Variants in DOCK3 observed in about 807,000 individuals in gnomAD.
DOCK3 encodes the protein dedicator of cytokinesis protein 3.
Under a neutral mutation model 265.6 loss-of-function variants are expected in DOCK3, and 60 were observed. The observed-to-expected ratio is 0.23, with a 90% CI of 0.18 to 0.28. The LOEUF is 0.28. Among genes scored for constraint, DOCK3 ranks in the 10% least tolerant of loss-of-function variants. The pLI is 1.00. For synonymous variants in DOCK3, 881 were observed against 938.0 expected (o/e 0.94, Z 1.11); for missense variants, 1,981 against 2,594.3 (o/e 0.76, Z 5.14).
At chr3:51,336,855 A>G in intron 35 of DOCK3, 1 of 456,176 alleles carries the variant, frequency 2.2e-6, no homozygotes, top group South Asian at 1.5e-5. Flanking sequence ...CAGATGCTTT[A>G]TAGAAAATAC....
At chr3:51,186,913 G>GAGAACAT (rs1273125260) in intron 12 of DOCK3, among the ~76,000 whole-genome samples, 1 of 152,208 alleles carries the variant, frequency 6.6e-6, no homozygotes, top group Admixed American at 6.5e-5. Flanking sequence ...TTTGCTTCAG[G>GAGAACAT]GGCAGGGCTC....
chr3:51,373,419 T>TG (rs1478165177), intron 49 of DOCK3, among the ~76,000 whole-genome samples: 2 of 152,218 alleles, frequency 1.3e-5, no homozygotes, highest in Non-Finnish European at 2.9e-5. Flanking sequence ...GATCCTCCTG[T>TG]GAGGGCTCCG....
intron 12 of DOCK3, among the ~76,000 whole-genome samples, chr3:51,170,693 C>G (rs1212671896): frequency 6.6e-6 from 1 of 151,890 alleles, no homozygotes; most frequent in Non-Finnish European, 1.5e-5. Flanking sequence ...GCCTGTAATC[C>G]CAGCGCTTTG....
In DOCK3 at chr3:51,341,319, G is replaced by A. The variant is rs372027488; in HGVS notation, c.3849G>A (p.Ser1283=). 1.5e-5 allele frequency: 24 copies of A among 1,613,502 alleles called. No individual in the cohort carries two copies. The highest frequency in any genetic ancestry group is 5.0e-5 in the Admixed American group (3 of 59,956). ...TACGGGAATTCCTCCACTACCCATC[G>A]CAGACAGAGTGGCAGCGGAAGGAGG... ...RPLREFLHYP[S]QTEWQRKEGL... Residue 1283 remains serine, a synonymous_variant, in exon 38 of 53, where the codon TCG becomes TCA. Coordinates refer to ENST00000266037, the MANE Select transcript of DOCK3 (RefSeq NM_004947.5).
At position 51,016,773 on chromosome 3, in the gene DOCK3, ATATATAT is replaced by A. The variant is rs2079321695; in HGVS notation, c.316-47674_316-47668del. On this transcript the variant is annotated intron_variant, in intron 5 of 52. Transcript: ENST00000266037. The stretch of plus-strand genomic sequence containing the variant: ...AATATAATATATATGATATATGTTT[ATATATAT>A]CATATATAAATATATATGATATATG... Among the ~76,000 whole-genome samples the A allele has an allele frequency of 6.4e-5, 2 of 31,094 alleles. 1 individual carries two copies. Among genetic ancestry groups the A allele is most frequent in the Non-Finnish European group, 1.0e-4 (2 of 19,132 alleles). 20.4% of individuals were successfully genotyped at this position (31,094 alleles called of 152,430 possible).
chr3:51,362,048 CA>C, intron 48 of DOCK3, 51 bp downstream of exon 48: 1 of 1,552,254 alleles, frequency 6.4e-7, no homozygotes. Context: ...CTACAGAACT[CA>C]CCTTGCTGTT....
intron 39 of DOCK3, among the ~76,000 whole-genome samples, chr3:51,349,806 G>T (rs939959358): frequency 6.6e-6 from 1 of 152,210 alleles, no homozygotes; most frequent in Non-Finnish European, 1.5e-5. Flanking sequence ...ACAGTTGTTA[G>T]CATCTTTAGT....
intron 4 of DOCK3, among the ~76,000 whole-genome samples, chr3:50,925,179 A>G (rs2050694592): frequency 6.6e-6 from 1 of 152,302 alleles, no homozygotes; most frequent in South Asian, 2.1e-4. Flanking sequence ...TAGGATCAAA[A>G]CTTGAGTTTG....
chr3:51,051,826 A>G (rs1235964054), intron 5 of DOCK3, among the ~76,000 whole-genome samples: 2 of 152,152 alleles, frequency 1.3e-5, no homozygotes, highest in African/African-American at 2.4e-5. Flanking sequence ...TCAGGAGGCA[A>G]AATGGGAGCA....
intron 18 of DOCK3, 67 bp downstream of exon 18, chr3:51,228,899 G>A (rs770446251): frequency 6.0e-6 from 9 of 1,510,168 alleles, no homozygotes; most frequent in South Asian, 1.3e-5. Context: ...CACTACTAGC[G>A]CATGTGAAGG....
At chr3:51,104,751 C>G (rs542818215) in intron 9 of DOCK3, among the ~76,000 whole-genome samples, 1 of 152,084 alleles carries the variant, frequency 6.6e-6, no homozygotes, top group Non-Finnish European at 1.5e-5. Context: ...ATTGTCAGAA[C>G]GTCTAGGAGG....
chr3:50,735,335 A>T (rs765469590), intron 1 of DOCK3, among the ~76,000 whole-genome samples: 11 of 151,738 alleles, frequency 7.2e-5, no homozygotes, highest in Admixed American at 6.6e-5. Context: ...CTGGATATTT[A>T]TTTCTCTGTT....
chr3:51,206,569 AAAAG>A lies in DOCK3; in HGVS notation c.1038-2203_1038-2200del, dbSNP rs1239552531. ...ATATTGAACTGAATCCTTTAAAAAA[AAAAG>A]AGAGAGACGGGGAAAGAAAGGCAAG... On this transcript the variant is annotated intron_variant, in intron 12 of 52. Transcript: ENST00000266037. 2.6e-5 allele frequency among the ~76,000 whole-genome samples: 4 copies of A among 152,322 alleles called. No individual in the cohort carries two copies. The South Asian group carries it at 8.3e-4, about 32-fold the overall frequency.
chr3:50,997,466 T>A (rs2078326181), intron 5 of DOCK3, among the ~76,000 whole-genome samples: 1 of 152,032 alleles, frequency 6.6e-6, no homozygotes, highest in Non-Finnish European at 1.5e-5. Context: ...ATGTTGGGAT[T>A]AGGTGTAGGA....
In DOCK3 at chr3:51,315,126, C is replaced by A; in HGVS notation, c.3400C>A (p.Gln1134Lys). 2 of 1,606,432 alleles carry A rather than the reference C, an allele frequency of 1.2e-6. No individual in the cohort carries two copies. The highest frequency in any genetic ancestry group is 1.7e-6 in the Non-Finnish European group (2 of 1,175,158). The change falls in exon 32 of 53, where the codon CAG becomes AAG. Residue 1134 changes from glutamine (Q) to lysine (K), a missense_variant and splice_region_variant. By Grantham distance (53) the Gln-to-Lys change is moderately conservative. This residue lies in a region of DOCK3 where 1,357 missense variants were observed against 1,866.8 expected (regional missense o/e 0.73). Transcript: ENST00000266037. ...WEQRKNGNFK[Q>K]VEAELIDKLD... ...GCAGAGAAAAAATGGCAACTTCAAA[C>A]AGGTAAGACACCTGGCAGTGTTCGG...
chr3:51,229,319 C>T (rs3762711), intron 18 of DOCK3, among the ~76,000 whole-genome samples, 193 bp from the exon 19 acceptor site: 10,792 of 152,124 alleles, frequency 0.071, 960 homozygotes, highest in East Asian at 0.32. Context: ...GACATGATGG[C>T]GCATGCCTGT....
chr3:50,886,542 A>T lies in DOCK3; in HGVS notation c.163-3484A>T, dbSNP rs112445072. ...CATCTAGCATTAGGTATATCTCCCA[A>T]TGCTATCCCTCCCCCCTCCCCCCAC... On this transcript the variant is annotated intron_variant, in intron 3 of 52. Coordinates refer to ENST00000266037, the MANE Select transcript of DOCK3 (RefSeq NM_004947.5). Among the ~76,000 whole-genome samples, 7 of 145,510 alleles carry T rather than the reference A, an allele frequency of 4.8e-5. 2 individuals are homozygous for T. The highest frequency in any genetic ancestry group is 1.8e-4 in the African/African-American group (7 of 39,790).
At chr3:50,716,807 A>G (rs2037143854) in intron 1 of DOCK3, among the ~76,000 whole-genome samples, 1 of 152,022 alleles carries the variant, frequency 6.6e-6, no homozygotes, top group Non-Finnish European at 1.5e-5. Context: ...ATATATTTGC[A>G]TAACTAATAG....
chr3:50,965,810 TTTAA>T (rs1435441151), intron 5 of DOCK3, among the ~76,000 whole-genome samples: 2 of 152,156 alleles, frequency 1.3e-5, no homozygotes, highest in Admixed American at 6.5e-5. Flanking sequence ...CTTAAAAATA[TTTAA>T]TTGACAAAGA....
Sources: gnomAD v4.1 joint callset for allele counts (sites outside exome capture counted in the v4.1 genomes callset) on GRCh38, gnomAD v4.1.1 for gene constraint, gnomAD v4.1.1 regional missense constraint, MANE v1.5 for transcripts, NCBI Gene and HGNC (gene_info 2026-07-23, HGNC 2026-07-21) for gene names.